Variants in ZZEF1 observed in about 807,000 individuals in gnomAD.
The protein encoded by ZZEF1 is zinc finger ZZ-type and EF-hand domain-containing protein 1.
ZZEF1 carries 157 observed loss-of-function variants against 342.8 expected under a neutral mutation model. That is an observed-to-expected ratio of 0.46 (90% CI 0.40 to 0.52). ZZEF1 has a LOEUF of 0.52. ZZEF1 is among the 20% of genes least tolerant of loss of function. The pLI, the probability that ZZEF1 is intolerant of heterozygous loss-of-function variation, is 0.00. For synonymous variants in ZZEF1, 1,505 were observed against 1,429.1 expected, an observed-to-expected ratio of 1.05 and a Z score of -1.20; for missense variants, 3,480 against 3,725.6, an observed-to-expected ratio of 0.93 and a Z score of 1.72.
In ZZEF1 at chr17:4,066,431, G is replaced by T. The variant is rs1303757016; in HGVS notation, c.4249+16C>A. 1 of 1,612,906 alleles carries T rather than the reference G, an allele frequency of 6.2e-7. No homozygotes were observed. The highest frequency in any genetic ancestry group is 1.3e-5 in the African/African-American group (1 of 74,876). On this transcript the variant is annotated intron_variant, in intron 28 of 54. Coordinates refer to ENST00000381638, the MANE Select transcript of ZZEF1 (RefSeq NM_015113.4). ...ACAGAAGGCTCAGGGACAACAGCTG[G>T]TGTTAGCACACTCACCCAGGCTCTC...
In ZZEF1 at chr17:4,056,152, G is replaced by A. The variant is rs2057155354; in HGVS notation, c.5295+64C>T. 9 of 1,427,576 alleles carry A rather than the reference G, an allele frequency of 6.3e-6. No individual in the cohort carries two copies. The South Asian group carries it at 1.6e-4, about 25-fold the overall frequency. The allele number at this position is 1,427,576 out of a possible 1,614,324, so 88.4% of individuals were successfully genotyped here. ...GTAAGAGCCTGCCAGAACCCCCCCA[G>A]GCAAACTCTCCTCTCCAAACTCCTA... On this transcript the variant is annotated intron_variant, in intron 33 of 54. Coordinates refer to ENST00000381638, the MANE Select transcript of ZZEF1 (RefSeq NM_015113.4).
At chr17:4,027,285 A>ATTTTT (rs2056429836) in intron 42 of ZZEF1, among the ~76,000 whole-genome samples, 1 of 53,262 alleles carries the variant, frequency 1.9e-5, no homozygotes, top group African/African-American at 1.4e-4. Context: ...GCAATATCTC[A>ATTTTT]CTTTTTTTTT....
At chr17:4,039,160 G>A (rs1403082685) in intron 39 of ZZEF1, among the ~76,000 whole-genome samples, 1 of 151,992 alleles carries the variant, frequency 6.6e-6, no homozygotes, top group East Asian at 1.9e-4. Context: ...AGAAAAGATG[G>A]AGGGTAGATT....
rs1294710719 is a variant in ZZEF1, at chr17:4,135,994, C to CT, written c.354+6547dup. On this transcript the variant is annotated intron_variant, in intron 1 of 54. Coordinates refer to ENST00000381638, the MANE Select transcript of ZZEF1 (RefSeq NM_015113.4). ...CAGTTACAATGTACTCTGATATTTTCTCTTTTTTTTTTTTTTTTTGAGACG... is the reference window on the plus strand; with the variant it reads ...CAGTTACAATGTACTCTGATATTTTCTTCTTTTTTTTTTTTTTTTTGAGACG... Among the ~76,000 whole-genome samples the CT allele has an allele frequency of 4.8e-5, 5 of 104,920 alleles. No homozygotes were observed. In the East Asian group the frequency reaches 1.5e-3, roughly 32 times the overall value. 68.8% of individuals were successfully genotyped at this position (104,920 alleles called of 152,430 possible). A position where few individuals can be genotyped will look rare whatever the true frequency, so the allele number is the denominator to read the frequency against.
rs1309292045 is a variant in ZZEF1 at position 4,142,766 on chromosome 17, G to A, written c.130C>T (p.Leu44=). ...TCCAGCAGCGCCGCGGCGGGTGGTAGCGCTGGAGCCGCGACGCCCGGGCCG... is the reference window on the plus strand; with the variant it reads ...TCCAGCAGCGCCGCGGCGGGTGGTAACGCTGGAGCCGCGACGCCCGGGCCG... The part of the protein sequence containing the change: ...TPGPGVAAPA[L]PPAAALLEPA... Residue 44 remains leucine, a synonymous_variant, in exon 1 of 55, where the codon CTA becomes TTA. Coordinates refer to ENST00000381638, the MANE Select transcript of ZZEF1 (RefSeq NM_015113.4). 2 of 1,446,802 alleles carry A rather than the reference G, an allele frequency of 1.4e-6. No individual in the cohort carries two copies. Among genetic ancestry groups the A allele is most frequent in the African/African-American group, 1.5e-5 (1 of 66,658 alleles). 89.6% of individuals were successfully genotyped at this position (1,446,802 alleles called of 1,614,324 possible).
At chr17:4,096,185 A>G (rs1053333192) in intron 10 of ZZEF1, among the ~76,000 whole-genome samples, 3 of 152,232 alleles carry the variant, frequency 2.0e-5, no homozygotes, top group Non-Finnish European at 4.4e-5. Context: ...TCACCATTTC[A>G]AAGACTTTAC....
chr17:4,053,085 G>C (rs546626494), intron 34 of ZZEF1, among the ~76,000 whole-genome samples: 44 of 152,206 alleles, frequency 2.9e-4, no homozygotes, highest in Non-Finnish European at 4.6e-4. Context: ...TCCCATGCCT[G>C]TGTGAATACT....
At chr17:4,126,126 T>G (rs1363931801) in intron 1 of ZZEF1, among the ~76,000 whole-genome samples, 1 of 150,360 alleles carries the variant, frequency 6.7e-6, no homozygotes, top group African/African-American at 2.5e-5. Context: ...CTTGGGAGGC[T>G]GAGGCAGAGA....
At chr17:4,114,259 CA>C (rs1468494941) in intron 4 of ZZEF1, 39 bp downstream of exon 4, 4 of 1,424,550 alleles carry the variant, frequency 2.8e-6, no homozygotes, top group African/African-American at 1.5e-5. Flanking sequence ...GAAAACAATC[CA>C]AAATTTTAAA....
intron 38 of ZZEF1, 134 bp from the exon 39 acceptor site, chr17:4,042,702 G>A (rs546070625): frequency 3.0e-6 from 3 of 1,010,334 alleles, no homozygotes; most frequent in Non-Finnish European, 4.2e-6. Context: ...TTAAATTTGA[G>A]AGGGAGTCTC....
chr17:4,099,543 A>ATT lies in ZZEF1; in HGVS notation c.1672+2772_1672+2773dup, dbSNP rs35639314. On this transcript the variant is annotated intron_variant, in intron 9 of 54. Transcript: ENST00000381638. ...AGCCTAGCTCACAGGTTTGACTGTG[A>ATT]TTTTTTTTTTTTTTTTTTTGAGACA... 3.2e-3 allele frequency among the ~76,000 whole-genome samples: 418 copies of ATT among 131,890 alleles called. 6 individuals are homozygous for ATT. The highest frequency in any genetic ancestry group is 8.2e-3 in the African/African-American group (292 of 35,454). 86.5% of individuals were successfully genotyped at this position (131,890 alleles called of 152,430 possible).
At chr17:4,112,890 C>A (rs2058336847) in intron 4 of ZZEF1, 82 bp from the exon 5 acceptor site, 4 of 1,240,058 alleles carry the variant, frequency 3.2e-6, no homozygotes, top group South Asian at 3.3e-5. Context: ...CCTCAAAGAG[C>A]TTACATTTGA....
At position 4,090,788 on chromosome 17, in the gene ZZEF1, A is replaced by C. The variant is rs1406902899; in HGVS notation, c.1956T>G (p.Ile652Met). 21 of 1,614,174 alleles carry C rather than the reference A, an allele frequency of 1.3e-5. No individual in the cohort carries two copies. Among genetic ancestry groups the C allele is most frequent in the Non-Finnish European group, 1.8e-5 (21 of 1,180,028 alleles). ...SSDDLGEDDP[I>M]GWFELEEEWD... ...ATTCTTCTTCCAGTTCAAACCAGCC[A>C]ATAGGATCATCCTCTCCAAGGTCAT... Residue 652 changes from isoleucine to methionine, a missense_variant, in exon 12 of 55, where the codon ATT becomes ATG. Coordinates refer to ENST00000381638, the MANE Select transcript of ZZEF1 (RefSeq NM_015113.4).
At chr17:4,083,860 GC>G (rs759591334) in intron 16 of ZZEF1, among the ~76,000 whole-genome samples, 4 of 152,026 alleles carry the variant, frequency 2.6e-5, no homozygotes, top group Non-Finnish European at 5.9e-5. Flanking sequence ...TCTTATGTCT[GC>G]TCATTGGCTG....
chr17:4,107,712 T>C (rs1160297038), intron 6 of ZZEF1, among the ~76,000 whole-genome samples: 1 of 152,306 alleles, frequency 6.6e-6, no homozygotes, highest in Admixed American at 6.5e-5. Context: ...TTAAGGATCA[T>C]GGGAAGCAAG....
At chr17:4,117,882 G>T (rs1355865521) in intron 2 of ZZEF1, among the ~76,000 whole-genome samples, 1 of 152,112 alleles carries the variant, frequency 6.6e-6, no homozygotes, top group Non-Finnish European at 1.5e-5. Flanking sequence ...CAATGATAAT[G>T]ACAATACAAC....
At chr17:4,085,889 C>T in intron 15 of ZZEF1, 86 bp from the exon 16 acceptor site, 1 of 1,528,964 alleles carries the variant, frequency 6.5e-7, no homozygotes, top group Non-Finnish European at 8.9e-7. Flanking sequence ...AAATTCACTA[C>T]TCTCCATTTT....
chr17:4,061,798 T>C (rs2145217717), intron 30 of ZZEF1, among the ~76,000 whole-genome samples: 1 of 152,274 alleles, frequency 6.6e-6, no homozygotes, highest in Non-Finnish European at 1.5e-5. Context: ...AATCTCATCC[T>C]TTCCTCCCCA....
chr17:4,075,154 G>A lies in ZZEF1; in HGVS notation c.3426C>T (p.Asp1142=), dbSNP rs542726781. 2.1e-5 allele frequency: 34 copies of A among 1,614,200 alleles called. No individual in the cohort carries two copies. Among genetic ancestry groups the A allele is most frequent in the South Asian group, 6.6e-5 (6 of 91,082 alleles). Residue 1142 remains aspartate, a synonymous_variant, in exon 23 of 55, where the codon GAC becomes GAT. Transcript: ENST00000381638. ...CATAGCGTGTTTTCCGACCTCTAGC[G>A]TCGGTAAATTCCAGATAATCATACC... ...EKRYDYLEFT[D]ARGRKTRYDT...
Sources: gnomAD v4.1 joint callset for allele counts (sites outside exome capture counted in the v4.1 genomes callset) on GRCh38, gnomAD v4.1.1 for gene constraint, MANE v1.5 for transcripts, NCBI Gene and HGNC (gene_info 2026-07-23, HGNC 2026-07-21) for gene names.